ZEB2: variants seen among roughly 807,000 people sequenced by gnomAD.
The protein encoded by ZEB2 is zinc finger E-box binding homeobox 2.
ZEB2 carries 6 observed loss-of-function variants against 99.9 expected under a neutral mutation model. The ratio of observed to expected loss-of-function variants is 0.06; its 90% CI spans 0.03 to 0.12. ZEB2 has a LOEUF of 0.12. ZEB2 is among the 10% of genes least tolerant of loss of function. The pLI is 1.00. For missense variants in ZEB2, 969 were observed against 1,502.8 expected (o/e 0.64, Z 5.87); for synonymous variants, 517 against 542.5 (o/e 0.95, Z 0.65).
chr2:144,440,515 A>ATTTT (rs201944188), intron 2 of ZEB2, among the ~76,000 whole-genome samples: 2 of 32,832 alleles, frequency 6.1e-5, no homozygotes, highest in African/African-American at 1.6e-4. Flanking sequence ...ATATATATAT[A>ATTTT]TTTTTTTTTT....
chr2:144,389,742 A>T lies in ZEB2; in HGVS notation c.3354T>A (p.Pro1118=). 1 of 1,611,570 alleles carries T rather than the reference A, an allele frequency of 6.2e-7. No individual in the cohort carries two copies. Among genetic ancestry groups the T allele is most frequent in the Non-Finnish European group, 8.5e-7 (1 of 1,178,494 alleles). The change falls in exon 10 of 10, where the codon CCT becomes CCA. Residue 1118 remains proline (P), a synonymous_variant. Coordinates refer to ENST00000627532, the MANE Select transcript of ZEB2 (RefSeq NM_014795.4). The surrounding 1 kb of genome is among the most constrained non-coding windows in gnomAD (Gnocchi z 6.8). ...TCTCCTCCGAGTCAGAGTACCCCTG[A>T]GGGGTAATGCTCTGCAAGTAAGCCC... is the stretch of plus-strand genomic sequence containing the variant. ...MNRAYLQSIT[P]QGYSDSEERE... is the part of the protein sequence containing the mutation.
chr2:144,433,712 C>T (rs1303763662), intron 2 of ZEB2, among the ~76,000 whole-genome samples: 1 of 152,170 alleles, frequency 6.6e-6, no homozygotes, highest in Non-Finnish European at 1.5e-5. Context: ...CTCTACTCTT[C>T]CTTCCAAGTA....
chr2:144,396,832 G>C (rs940715365), intron 8 of ZEB2, among the ~76,000 whole-genome samples: 1 of 151,830 alleles, frequency 6.6e-6, no homozygotes. Context: ...TTTAAGGACA[G>C]GAAATGGTCA....
At chr2:144,494,932 G>T (rs1704738837) in intron 2 of ZEB2, 1 of 152,026 alleles carries the variant, frequency 6.6e-6, no homozygotes, top group Non-Finnish European at 1.5e-5. Flanking sequence ...AAAAAGAAAA[G>T]AAAGAAAAAG....
chr2:144,387,489 T>C lies in ZEB2; in HGVS notation c.*1962A>G, dbSNP rs1245640194. On this transcript the variant is annotated 3_prime_UTR_variant, in exon 10 of 10. Coordinates refer to ENST00000627532, the MANE Select transcript of ZEB2 (RefSeq NM_014795.4). ...CTTAGAAAATCACGGTTATTTTTGTTAGCATTTGCTTTTAGCTTTTCCTCT... is the reference window on the plus strand; with the variant it reads ...CTTAGAAAATCACGGTTATTTTTGTCAGCATTTGCTTTTAGCTTTTCCTCT... The C allele has an allele frequency of 6.6e-6, 1 of 152,206 alleles. No individual in the cohort carries two copies. Among genetic ancestry groups the C allele is most frequent in the Non-Finnish European group, 1.5e-5 (1 of 68,018 alleles). 9.4% of individuals were successfully genotyped at this position (152,206 alleles called of 1,614,324 possible).
At chr2:144,501,407 C>A (rs572220720) in intron 2 of ZEB2, among the ~76,000 whole-genome samples, 11 of 152,148 alleles carry the variant, frequency 7.2e-5, no homozygotes, top group African/African-American at 2.2e-4. Flanking sequence ...AAACTATTTA[C>A]GAGACCTCTT....
At chr2:144,509,647 C>T (rs1482048980) in intron 2 of ZEB2, among the ~76,000 whole-genome samples, 5 of 151,756 alleles carry the variant, frequency 3.3e-5, no homozygotes, top group South Asian at 2.1e-4. Flanking sequence ...TGTGTGTGAG[C>T]GCATTGTATC....
intron 2 of ZEB2, chr2:144,513,493 A>G (rs921028731): frequency 2.0e-5 from 30 of 1,521,216 alleles, no homozygotes; most frequent in East Asian, 1.7e-4. Flanking sequence ...CTCCTAATTC[A>G]GTTTTTCTTT....
In ZEB2 at chr2:144,388,280, A is replaced by G. The variant is rs1703109839; in HGVS notation, c.*1171T>C. On this transcript the variant is annotated 3_prime_UTR_variant, in exon 10 of 10. Transcript: ENST00000627532. This position sits in a 1 kb window ranked among gnomAD's most constrained non-coding sequence, Gnocchi z 5.4. ...ATTGGAAAAAAACAAAAATAAAATA[A>G]TAAAATTGAAAAATCCCATCTCACA... The G allele has an allele frequency of 6.6e-6, 1 of 152,608 alleles. No individual in the cohort carries two copies. 9.5% of individuals were successfully genotyped at this position (152,608 alleles called of 1,614,324 possible).
chr2:144,462,436 C>A (rs1704206825), intron 2 of ZEB2: 1 of 152,100 alleles, frequency 6.6e-6, no homozygotes, highest in Non-Finnish European at 1.5e-5. Flanking sequence ...AAACAAAAAA[C>A]CAGGAGTTTT....
Position 144,455,661 on chromosome 2 carries a change from T to G in ZEB2, c.74-25635A>C, listed in dbSNP as rs192028851. ...CACTATTTGTGCAGCATAAGTTTAA[T>G]AAAAATGATACATCACCTCTCTGTT... On this transcript the variant is annotated intron_variant, in intron 2 of 9. Coordinates refer to ENST00000627532, the MANE Select transcript of ZEB2 (RefSeq NM_014795.4). 1.2e-4 allele frequency among the ~76,000 whole-genome samples: 19 copies of G among 152,320 alleles called. 1 individual carries two copies. Among genetic ancestry groups the G allele is most frequent in the Admixed American group, 1.2e-3 (18 of 15,288 alleles).
intron 2 of ZEB2, among the ~76,000 whole-genome samples, chr2:144,442,384 T>C (rs912509967): frequency 6.6e-6 from 1 of 152,180 alleles, no homozygotes; most frequent in South Asian, 2.1e-4. Flanking sequence ...CCAGAATCTA[T>C]ATAAGTTCAT....
rs1703057190 is a variant in ZEB2, at chr2:144,384,650, A to G, written c.*4801T>C. 1 of 151,894 alleles carries G rather than the reference A, an allele frequency of 6.6e-6. No individual in the cohort carries two copies. Among genetic ancestry groups the G allele is most frequent in the African/African-American group, 2.4e-5 (1 of 41,356 alleles). The allele number at this position is 151,894 out of a possible 1,614,324, so 9.4% of individuals were successfully genotyped here. A position where few individuals can be genotyped will look rare whatever the true frequency, so the allele number is the denominator to read the frequency against. On this transcript the variant is annotated 3_prime_UTR_variant, in exon 10 of 10. Coordinates refer to ENST00000627532, the MANE Select transcript of ZEB2 (RefSeq NM_014795.4). ...ATACAGGAAAAGAAAACTCTCCAAT[A>G]AAAATATTGTCTAAAAAGTTTGTTT...
At chr2:144,512,119 T>C in intron 2 of ZEB2, 1 of 1,287,176 alleles carries the variant, frequency 7.8e-7, no homozygotes, top group Non-Finnish European at 1.0e-6. Context: ...CCATTGACGT[T>C]ATAAACATGT....
At chr2:144,395,760 G>A (rs1191343356) in intron 9 of ZEB2, among the ~76,000 whole-genome samples, 2 of 152,108 alleles carry the variant, frequency 1.3e-5, no homozygotes, top group Non-Finnish European at 2.9e-5. Flanking sequence ...TCATAGTGAA[G>A]AATTAGGCTG....
chr2:144,444,398 G>A (rs1703957456), intron 2 of ZEB2, among the ~76,000 whole-genome samples: 1 of 152,126 alleles, frequency 6.6e-6, no homozygotes, highest in Non-Finnish European at 1.5e-5. Flanking sequence ...TGAACACAAT[G>A]AAAAAAACAG....
At chr2:144,502,170 CT>C (rs1560652754) in intron 2 of ZEB2, among the ~76,000 whole-genome samples, 1 of 152,182 alleles carries the variant, frequency 6.6e-6, no homozygotes, top group Non-Finnish European at 1.5e-5. Context: ...AGCAGCAATA[CT>C]TTTAGGCTGC....
chr2:144,447,015 CAAAAA>C (rs200426124), intron 2 of ZEB2, among the ~76,000 whole-genome samples: 5 of 74,496 alleles, frequency 6.7e-5, no homozygotes, highest in African/African-American at 4.8e-5. Context: ...GACACTGTTT[CAAAAA>C]AAAAAAAAAA....
At chr2:144,482,805 T>G (rs1375562979) in intron 2 of ZEB2, among the ~76,000 whole-genome samples, 1 of 152,042 alleles carries the variant, frequency 6.6e-6, no homozygotes, top group Admixed American at 6.6e-5. Context: ...AGTTAGACTC[T>G]TCCCTCACCA....
Sources: allele counts gnomAD v4.1 joint callset (sites outside exome capture counted in the v4.1 genomes callset), GRCh38; gene constraint gnomAD v4.1.1; non-coding constraint Gnocchi (gnomAD v3.1); transcripts MANE v1.5; gene names NCBI Gene and HGNC (gene_info 2026-07-23, HGNC 2026-07-21).